Variants in MMEL1 observed in about 807,000 individuals in gnomAD.
MMEL1 encodes the protein membrane metallo-endopeptidase-like 1.
A neutral mutation model predicts 117.1 loss-of-function variants in MMEL1; 98 were observed. The observed-to-expected ratio is 0.84, with a 90% CI of 0.71 to 0.99. The LOEUF (loss-of-function observed/expected upper bound fraction) is 0.99. Ranked by LOEUF, MMEL1 falls within the 50% of genes least tolerant of loss-of-function variation. The pLI, the probability that MMEL1 is intolerant of heterozygous loss-of-function variation, is 0.00. For missense variants in MMEL1, 1,014 were observed against 1,049.1 expected (o/e 0.97, Z 0.46); for synonymous variants, 390 against 415.1 (o/e 0.94, Z 0.74).
intron 2 of MMEL1, among the ~76,000 whole-genome samples, chr1:2,624,632 T>C (rs1645341714): frequency 6.6e-6 from 1 of 152,186 alleles, no homozygotes; most frequent in Admixed American, 6.5e-5. Flanking sequence ...AGCAGTGTAT[T>C]GTGATGATGT....
chr1:2,629,066 G>A (rs1344830943), intron 2 of MMEL1, among the ~76,000 whole-genome samples: 1 of 152,040 alleles, frequency 6.6e-6, no homozygotes, highest in African/African-American at 2.4e-5. Context: ...GGGCGGGTGC[G>A]GAGCTGCAGA....
At chr1:2,628,761 T>G (rs946583029) in intron 2 of MMEL1, among the ~76,000 whole-genome samples, 1 of 151,930 alleles carries the variant, frequency 6.6e-6, no homozygotes. Flanking sequence ...CGAGCAGCCC[T>G]GGCCACGCCT....
intron 11 of MMEL1, among the ~76,000 whole-genome samples, chr1:2,602,258 G>A (rs541639203): frequency 8.9e-4 from 136 of 152,302 alleles, no homozygotes; most frequent in African/African-American, 3.2e-3. Context: ...CTGGGATGTC[G>A]GTGGTCACGT....
At chr1:2,605,483 G>A (rs1645007552) in intron 9 of MMEL1, 75 bp downstream of exon 9, 4 of 1,316,620 alleles carry the variant, frequency 3.0e-6, no homozygotes, top group African/African-American at 1.5e-5. Flanking sequence ...AGGCCAGGTG[G>A]GCAACGGGAA....
chr1:2,599,353 C>A (rs942390132), intron 11 of MMEL1, among the ~76,000 whole-genome samples: 3 of 152,150 alleles, frequency 2.0e-5, no homozygotes, highest in Non-Finnish European at 2.9e-5. Context: ...GCAAATAGAA[C>A]CTAGCCATAC....
At position 2,595,507 on chromosome 1, in the gene MMEL1, G is replaced by C; in HGVS notation, c.1501-148C>G. The C allele has an allele frequency of 1.5e-6, 1 of 677,522 alleles. No individual in the cohort carries two copies. The highest frequency in any genetic ancestry group is 2.6e-6 in the Non-Finnish European group (1 of 385,396). 42.0% of individuals were successfully genotyped at this position (677,522 alleles called of 1,614,324 possible). ...CTGTCCTGTGGTGAGGGGCTGGGGG[G>C]CTCCGGGATCTGGCCCCCACCTTGC... is the stretch of plus-strand genomic sequence containing the variant. On this transcript the variant is annotated intron_variant, in intron 15 of 23. Transcript: ENST00000378412. This position sits in a 1 kb window ranked among gnomAD's most constrained non-coding sequence, Gnocchi z 4.8.
At chr1:2,600,796 C>T (rs941402143) in intron 11 of MMEL1, among the ~76,000 whole-genome samples, 9 of 152,130 alleles carry the variant, frequency 5.9e-5, no homozygotes, top group African/African-American at 2.2e-4. Context: ...TTGAGTAAGA[C>T]TGCATATTTA....
At chr1:2,594,310 G>C in intron 18 of MMEL1, 75 bp downstream of exon 18, 1 of 1,445,480 alleles carries the variant, frequency 6.9e-7, no homozygotes, top group Non-Finnish European at 9.5e-7. Flanking sequence ...GGAAGGGATG[G>C]GCAGGGGGCT....
At position 2,593,938 on chromosome 1, in the gene MMEL1, C is replaced by T; in HGVS notation, c.1748-5G>A. 2 of 1,596,214 alleles carry T rather than the reference C, an allele frequency of 1.3e-6. No homozygotes were observed. Among genetic ancestry groups the T allele is most frequent in the South Asian group, 1.1e-5 (1 of 89,176 alleles). Reference sequence around the variant, plus strand: ...GGAGGATCCCGGCAGGGAATACTGTCCCCAAGGGCGGGACAAAGAATAAGC... The same window carrying T: ...GGAGGATCCCGGCAGGGAATACTGTTCCCAAGGGCGGGACAAAGAATAAGC... On this transcript the variant is annotated splice_polypyrimidine_tract_variant and splice_region_variant and intron_variant, in intron 18 of 23. Transcript: ENST00000378412.
intron 2 of MMEL1, among the ~76,000 whole-genome samples, chr1:2,621,572 A>G (rs934996191): frequency 1.4e-5 from 2 of 145,850 alleles, no homozygotes. Context: ...ACCAATGCAC[A>G]TTTTTTTTTT....
At chr1:2,600,684 TCAAACAAACAAA>T (rs141426426) in intron 11 of MMEL1, among the ~76,000 whole-genome samples, 87,687 of 151,284 alleles carry the variant, frequency 0.58, 26,473 homozygotes, top group Non-Finnish European at 0.68. Flanking sequence ...AGACCCTGTC[TCAAACAAACAAA>T]CAAACAAACA....
At chr1:2,626,399 G>A (rs1225251541) in intron 2 of MMEL1, among the ~76,000 whole-genome samples, 1 of 152,224 alleles carries the variant, frequency 6.6e-6, no homozygotes, top group African/African-American at 2.4e-5. Context: ...CCAGTCTTGG[G>A]GTTGGACTTC....
chr1:2,600,094 A>G (rs987707280), intron 11 of MMEL1, among the ~76,000 whole-genome samples: 1 of 151,956 alleles, frequency 6.6e-6, no homozygotes, highest in African/African-American at 2.4e-5. Context: ...CAGCCTCCCT[A>G]GTAGCTGAGA....
Position 2,595,825 on chromosome 1 carries a change from G to A in MMEL1, c.1500+184C>T, listed in dbSNP as rs889059036. Among the ~76,000 whole-genome samples, 1 of 147,142 alleles carries A rather than the reference G, an allele frequency of 6.8e-6. No homozygotes were observed. Among genetic ancestry groups the A allele is most frequent in the Non-Finnish European group, 1.5e-5 (1 of 66,942 alleles). On this transcript the variant is annotated intron_variant, in intron 15 of 23. Coordinates refer to ENST00000378412, the MANE Select transcript of MMEL1 (RefSeq NM_033467.4). The surrounding 1 kb of genome is among the most constrained non-coding windows in gnomAD (Gnocchi z 4.8). ...GCGAGTGGTCCTGTCTGCGCCTCCC[G>A]GGGCTGCCTTCTCCCCGTGGGGTCC...
chr1:2,592,124 A>C (rs1292557106), intron 21 of MMEL1, 97 bp from the exon 22 acceptor site: 1 of 989,372 alleles, frequency 1.0e-6, no homozygotes, highest in Non-Finnish European at 1.5e-6. Context: ...TCCAGGACCT[A>C]CCCCTGTGGG....
At chr1:2,615,719 A>T (rs753422137) in intron 2 of MMEL1, among the ~76,000 whole-genome samples, 1 of 152,182 alleles carries the variant, frequency 6.6e-6, no homozygotes, top group Non-Finnish European at 1.5e-5. Flanking sequence ...TTTCTGTACT[A>T]TTTTGCAATG....
chr1:2,608,516 T>TATACACACATACAC (rs975908478), intron 6 of MMEL1, among the ~76,000 whole-genome samples: 2 of 143,972 alleles, frequency 1.4e-5, no homozygotes, highest in African/African-American at 5.3e-5. Context: ...ACATAACACA[T>TATACACACATACAC]ATACACACAT....
intron 10 of MMEL1, 41 bp from the exon 11 acceptor site, chr1:2,604,014 T>C (rs778068576): frequency 6.2e-7 from 1 of 1,603,470 alleles, no homozygotes; most frequent in South Asian, 1.1e-5. Context: ...GTGGCCAGGA[T>C]GCCCCCTGGG....
At chr1:2,594,295 C>T (rs1175041910) in intron 18 of MMEL1, 90 bp downstream of exon 18, 10 of 1,383,086 alleles carry the variant, frequency 7.2e-6, no homozygotes, top group Middle Eastern at 1.8e-4. Context: ...GGGGTGCCCC[C>T]AGGAGGAAGG....
Sources: allele counts gnomAD v4.1 joint callset (sites outside exome capture counted in the v4.1 genomes callset), GRCh38; gene constraint gnomAD v4.1.1; non-coding constraint Gnocchi (gnomAD v3.1); transcripts MANE v1.5; gene names NCBI Gene and HGNC (gene_info 2026-07-23, HGNC 2026-07-21).